The following ANKRD12 variants were observed in gnomAD, a reference collection of about 807,000 sequenced individuals.
ANKRD12 encodes the protein ankyrin repeat domain 12.
A neutral mutation model predicts 183.4 loss-of-function variants in ANKRD12; 85 were observed. The ratio of observed to expected loss-of-function variants is 0.46; its 90% CI spans 0.39 to 0.56. The LOEUF (loss-of-function observed/expected upper bound fraction) is 0.56, where lower values mean the gene tolerates loss of function less well. Among genes scored for constraint, ANKRD12 ranks in the 20% least tolerant of loss-of-function variants. The pLI, the probability that ANKRD12 is intolerant of heterozygous loss-of-function variation, is 0.00. For missense variants in ANKRD12, 2,405 were observed against 2,357.1 expected (o/e 1.02, Z -0.42); for synonymous variants, 914 against 800.2 (o/e 1.14, Z -2.40).
chr18:9,261,401 A>G (rs2038957836), intron 9 of ANKRD12, among the ~76,000 whole-genome samples: 1 of 152,232 alleles, frequency 6.6e-6, no homozygotes, highest in Admixed American at 6.5e-5. Context: ...GGGTACATTT[A>G]TACAAGTATA....
rs926113707 is a variant in ANKRD12, at chr18:9,199,309, A to G, written c.235+3611A>G. Among the ~76,000 whole-genome samples the G allele has an allele frequency of 5.9e-5, 9 of 152,306 alleles. No individual in the cohort carries two copies. In the East Asian group the frequency reaches 1.5e-3, roughly 26 times the overall value. ...ATGGGAAGGTGATCATGATATTGGA[A>G]GTAAAAAATTAGATTATGAAACAGT... On this transcript the variant is annotated intron_variant, in intron 3 of 12. Coordinates refer to ENST00000262126, the MANE Select transcript of ANKRD12 (RefSeq NM_015208.5).
At chr18:9,269,169 C>G (rs1456038978) in intron 10 of ANKRD12, among the ~76,000 whole-genome samples, 1 of 152,126 alleles carries the variant, frequency 6.6e-6, no homozygotes, top group Non-Finnish European at 1.5e-5. Context: ...TAGGAAGAAT[C>G]AATATCGTGA....
At chr18:9,208,919 C>A in intron 5 of ANKRD12, 116 bp downstream of exon 5, 2 of 1,042,304 alleles carry the variant, frequency 1.9e-6, no homozygotes, top group Non-Finnish European at 2.7e-6. Context: ...TGGATTTAAT[C>A]AGAATTACTT....
chr18:9,255,812 CATG>C lies in ANKRD12; in HGVS notation c.2547_2549del (p.His849_Glu850delinsGln), dbSNP rs1210140944. 7 of 1,573,054 alleles carry C rather than the reference CATG, an allele frequency of 4.4e-6. No individual in the cohort carries two copies. Among genetic ancestry groups the C allele is most frequent in the Non-Finnish European group, 5.1e-6 (6 of 1,168,434 alleles). ...CTTTGAAAAAGAAAAGAAGATAAAA[CATG>C]AGCATAAGTCAGAAAAAGACAAATT... On this transcript the variant is annotated inframe_deletion, in exon 9 of 13. Transcript: ENST00000262126.
intron 4 of ANKRD12, among the ~76,000 whole-genome samples, chr18:9,206,473 A>G (rs1400634942): frequency 2.0e-5 from 3 of 152,032 alleles, no homozygotes; most frequent in Non-Finnish European, 4.4e-5. Flanking sequence ...GACTGCTTTT[A>G]ACTTGAAAAC....
chr18:9,181,982 T>C (rs1345710728), intron 1 of ANKRD12, among the ~76,000 whole-genome samples: 1 of 152,182 alleles, frequency 6.6e-6, no homozygotes, highest in Non-Finnish European at 1.5e-5. Flanking sequence ...TTAGGTGTTG[T>C]AAAATTACTG....
chr18:9,209,942 A>T (rs1424708601), intron 5 of ANKRD12, among the ~76,000 whole-genome samples: 1 of 152,024 alleles, frequency 6.6e-6, no homozygotes, highest in African/African-American at 2.4e-5. Context: ...ACAGTTTCTT[A>T]TCTTTATTTA....
In ANKRD12 at chr18:9,258,211, T is replaced by C. The variant is rs988562071; in HGVS notation, c.4944T>C (p.Cys1648=). Residue 1648 remains cysteine (C), a synonymous_variant, in exon 9 of 13, where the codon TGT becomes TGC. Transcript: ENST00000262126. The part of the protein sequence containing the change: ...ESLVLTHLSR[C]DSDLCEMNAG... ...TGGTTTTAACTCATTTGAGTAGGTG[T>C]GATTCTGATTTATGTGAAATGAATG... is the stretch of plus-strand genomic sequence containing the variant. 1.2e-6 allele frequency: 2 copies of C among 1,613,758 alleles called. No individual in the cohort carries two copies. The highest frequency in any genetic ancestry group is 1.1e-5 in the South Asian group (1 of 91,078).
At chr18:9,225,584 G>C (rs914470536) in intron 8 of ANKRD12, among the ~76,000 whole-genome samples, 3 of 151,554 alleles carry the variant, frequency 2.0e-5, no homozygotes, top group African/African-American at 4.8e-5. Context: ...TGTAAACACT[G>C]TTCTCTTATT....
intron 8 of ANKRD12, among the ~76,000 whole-genome samples, chr18:9,224,408 CT>C (rs1042993577): frequency 4.5e-4 from 67 of 147,556 alleles, no homozygotes; most frequent in Non-Finnish European, 3.8e-4. Context: ...ACAGCTGCGG[CT>C]TTTTTTTTTA....
intron 6 of ANKRD12, among the ~76,000 whole-genome samples, chr18:9,213,752 G>A (rs2035937043): frequency 6.6e-6 from 1 of 151,510 alleles, no homozygotes; most frequent in Non-Finnish European, 1.5e-5. Flanking sequence ...TATTTCTTTT[G>A]TGAACATGTA....
chr18:9,157,603 A>T lies in ANKRD12; in HGVS notation c.-52+20638A>T, dbSNP rs1039085205. 6.5e-3 allele frequency among the ~76,000 whole-genome samples: 549 copies of T among 84,596 alleles called. 10 individuals carry two copies. The highest frequency in any genetic ancestry group is 8.8e-3 in the Non-Finnish European group (388 of 43,994). The allele number at this position is 84,596 out of a possible 152,430, so 55.5% of individuals were successfully genotyped here. ...TGTGTGTGTATATATATATATATGT[A>T]TTTTTTTTTTTTTTTTTGAGATGGA... is the stretch of plus-strand genomic sequence containing the variant. On this transcript the variant is annotated intron_variant, in intron 1 of 12. Coordinates refer to ENST00000262126, the MANE Select transcript of ANKRD12 (RefSeq NM_015208.5).
At position 9,157,029 on chromosome 18, in the gene ANKRD12, A is replaced by G. The variant is rs538204285; in HGVS notation, c.-52+20064A>G. Among the ~76,000 whole-genome samples, 7 of 152,334 alleles carry G rather than the reference A, an allele frequency of 4.6e-5. No individual in the cohort carries two copies. In the East Asian group the frequency reaches 1.3e-3, roughly 29 times the overall value. On this transcript the variant is annotated intron_variant, in intron 1 of 12. Transcript: ENST00000262126. Reference sequence around the variant, plus strand: ...TGGGTTTCAGTTACAGAAGATGATCAAGTTCTAGAGATAGATGGTAGTGAT... The same window carrying G: ...TGGGTTTCAGTTACAGAAGATGATCGAGTTCTAGAGATAGATGGTAGTGAT...
At chr18:9,172,899 G>GT (rs902620034) in intron 1 of ANKRD12, among the ~76,000 whole-genome samples, 1 of 149,702 alleles carries the variant, frequency 6.7e-6, no homozygotes, top group Non-Finnish European at 1.5e-5. Context: ...TTTGTTTTTT[G>GT]TTTTTTTGTT....
At chr18:9,259,856 A>G (rs575020919) in intron 9 of ANKRD12, 1 of 152,282 alleles carries the variant, frequency 6.6e-6, no homozygotes, top group East Asian at 1.9e-4. Flanking sequence ...TAAAACAAGA[A>G]TAAATGTCTC....
At chr18:9,148,313 T>C (rs571862218) in intron 1 of ANKRD12, among the ~76,000 whole-genome samples, 4 of 150,740 alleles carry the variant, frequency 2.7e-5, no homozygotes, top group Non-Finnish European at 5.9e-5. Flanking sequence ...GAGGGAAAAA[T>C]ATATATATAT....
intron 10 of ANKRD12, among the ~76,000 whole-genome samples, chr18:9,270,830 T>G (rs897209465): frequency 6.6e-6 from 1 of 152,206 alleles, no homozygotes; most frequent in African/African-American, 2.4e-5. Flanking sequence ...AAATGATACA[T>G]CTTACTCGTA....
intron 2 of ANKRD12, among the ~76,000 whole-genome samples, chr18:9,187,645 A>C (rs939201743): frequency 6.6e-6 from 1 of 152,206 alleles, no homozygotes; most frequent in Non-Finnish European, 1.5e-5. Context: ...TTTGACAAGA[A>C]TGTTCACACC....
At chr18:9,146,253 A>G (rs547576169) in intron 1 of ANKRD12, among the ~76,000 whole-genome samples, 7 of 152,232 alleles carry the variant, frequency 4.6e-5, no homozygotes, top group Non-Finnish European at 8.8e-5. Context: ...TATATGTCAG[A>G]AAGTGTTCTA....
Sources: gnomAD v4.1 joint callset for allele counts (sites outside exome capture counted in the v4.1 genomes callset) on GRCh38, gnomAD v4.1.1 for gene constraint, MANE v1.5 for transcripts, NCBI Gene and HGNC (gene_info 2026-07-23, HGNC 2026-07-21) for gene names.